LRP1B: variants seen among roughly 807,000 people sequenced by gnomAD.
LRP1B encodes the protein low-density lipoprotein receptor-related protein 1B.
A neutral mutation model predicts 556.6 loss-of-function variants in LRP1B; 217 were observed. That is an observed-to-expected ratio of 0.39 (90% CI 0.35 to 0.44). The LOEUF is 0.44. Ranked by LOEUF, LRP1B falls within the 20% of genes least tolerant of loss-of-function variation. The pLI is 1.00. For synonymous variants in LRP1B, 2,047 were observed against 1,865.8 expected, an observed-to-expected ratio of 1.10 and a Z score of -2.50; for missense variants, 5,053 against 5,620.8, an observed-to-expected ratio of 0.90 and a Z score of 3.23.
intron 16 of LRP1B, among the ~76,000 whole-genome samples, chr2:140,990,439 C>G (rs1403661558): frequency 6.6e-6 from 1 of 151,944 alleles, no homozygotes; most frequent in African/African-American, 2.4e-5. Flanking sequence ...TTTTATTACT[C>G]TCTGTCCAGT....
At chr2:140,335,194 G>GTATATA (rs140882374) in intron 78 of LRP1B, among the ~76,000 whole-genome samples, 11,103 of 151,022 alleles carry the variant, frequency 0.074, 438 homozygotes, top group Middle Eastern at 0.13. Context: ...GTGTGCATGT[G>GTATATA]TATATATATA....
chr2:140,786,494 C>T (rs764629628), intron 32 of LRP1B, among the ~76,000 whole-genome samples: 1 of 152,228 alleles, frequency 6.6e-6, no homozygotes, highest in Non-Finnish European at 1.5e-5. Context: ...AGTCTATTAG[C>T]TTCTCTTCTG....
intron 1 of LRP1B, among the ~76,000 whole-genome samples, chr2:142,107,165 T>A (rs1035473217): frequency 1.3e-5 from 2 of 152,188 alleles, no homozygotes; most frequent in Admixed American, 1.3e-4. Context: ...TACAACAGTT[T>A]CTGGGTTAAA....
At chr2:141,175,104 G>T (rs1426580222) in intron 7 of LRP1B, among the ~76,000 whole-genome samples, 1 of 152,032 alleles carries the variant, frequency 6.6e-6, no homozygotes, top group African/African-American at 2.4e-5. Flanking sequence ...GATGTGACCT[G>T]GCTGTTTCTA....
chr2:141,602,726 A>C (rs1235825080), intron 2 of LRP1B, among the ~76,000 whole-genome samples: 1 of 152,172 alleles, frequency 6.6e-6, no homozygotes, highest in Non-Finnish European at 1.5e-5. Flanking sequence ...CAAAGGAATA[A>C]TGGGCAGGGC....
At chr2:140,683,802 C>T (rs192305481) in intron 41 of LRP1B, 19 of 823,146 alleles carry the variant, frequency 2.3e-5, no homozygotes, top group African/African-American at 2.2e-4. Flanking sequence ...AGCCAGCCTC[C>T]GGGCTAGGGG....
In LRP1B at chr2:140,286,559, T is replaced by A. The variant is rs1683160255; in HGVS notation, c.12967+11249A>T. On this transcript the variant is annotated intron_variant, in intron 84 of 90. Coordinates refer to ENST00000389484, the MANE Select transcript of LRP1B (RefSeq NM_018557.3). ...AATATGGCATGCCACAGAATTAGAC[T>A]AAACTTTTCAGCTTCCAGTGGTCAT... is the stretch of plus-strand genomic sequence containing the variant. Among the ~76,000 whole-genome samples, 3 of 151,840 alleles carry A rather than the reference T, an allele frequency of 2.0e-5. No homozygotes were observed. In the South Asian group the frequency reaches 6.2e-4, roughly 31 times the overall value.
chr2:141,790,810 AG>A (rs891503354), intron 2 of LRP1B, among the ~76,000 whole-genome samples: 1 of 152,056 alleles, frequency 6.6e-6, no homozygotes, highest in African/African-American at 2.4e-5. Flanking sequence ...AAAGTTAAAA[AG>A]AACACAGAAA....
intron 2 of LRP1B, among the ~76,000 whole-genome samples, chr2:141,791,161 G>T (rs764343821): frequency 1.3e-5 from 2 of 151,720 alleles, no homozygotes; most frequent in Admixed American, 6.6e-5. Context: ...GACACCACAA[G>T]CAATAAAGTG....
chr2:140,289,012 G>A (rs570018470), intron 84 of LRP1B, among the ~76,000 whole-genome samples: 1 of 151,988 alleles, frequency 6.6e-6, no homozygotes, highest in East Asian at 1.9e-4. Context: ...TCAATATCAG[G>A]TGAAGCTGGC....
At chr2:142,018,196 G>A (rs551818470) in intron 1 of LRP1B, among the ~76,000 whole-genome samples, 9 of 152,132 alleles carry the variant, frequency 5.9e-5, no homozygotes, top group Non-Finnish European at 1.2e-4. Flanking sequence ...CTGATTAAAT[G>A]TGCCCATAAT....
chr2:141,932,193 C>T (rs1488932084), intron 1 of LRP1B, among the ~76,000 whole-genome samples: 1 of 151,970 alleles, frequency 6.6e-6, no homozygotes, highest in Non-Finnish European at 1.5e-5. Context: ...GCAGATATAT[C>T]AGTAGTACTT....
chr2:141,138,547 T>C (rs1431108533), intron 7 of LRP1B, among the ~76,000 whole-genome samples: 2 of 142,724 alleles, frequency 1.4e-5, no homozygotes, highest in African/African-American at 5.2e-5. Context: ...TTAGTAAATT[T>C]AGCAAGATTT....
chr2:141,837,898 A>G (rs1446166029), intron 1 of LRP1B, among the ~76,000 whole-genome samples: 1 of 152,128 alleles, frequency 6.6e-6, no homozygotes, highest in East Asian at 1.9e-4. Context: ...CCAGAGAAAT[A>G]TCTACAGTGT....
rs1689132302 is a variant in LRP1B, at chr2:141,368,795, T to A, written c.343+111601A>T. ...GCTATTATGTAAGAATAGGTGAATC[T>A]TAACTGACAATAAGTTCGATTGAGA... On this transcript the variant is annotated intron_variant, in intron 3 of 90. Coordinates refer to ENST00000389484, the MANE Select transcript of LRP1B (RefSeq NM_018557.3). Among the ~76,000 whole-genome samples the A allele has an allele frequency of 2.6e-5, 4 of 152,312 alleles. No individual in the cohort carries two copies. In the South Asian group the frequency reaches 8.3e-4, roughly 32 times the overall value.
intron 3 of LRP1B, among the ~76,000 whole-genome samples, chr2:141,279,136 T>G (rs1250917655): frequency 3.3e-5 from 5 of 152,188 alleles, no homozygotes; most frequent in South Asian, 4.1e-4. Context: ...AACAGTTTTT[T>G]GGGGGATAGT....
At chr2:140,720,688 T>C (rs1266353456) in intron 35 of LRP1B, among the ~76,000 whole-genome samples, 1 of 152,126 alleles carries the variant, frequency 6.6e-6, no homozygotes, top group African/African-American at 2.4e-5. Context: ...TCTGTATTCT[T>C]ATGATTAATT....
intron 3 of LRP1B, among the ~76,000 whole-genome samples, chr2:141,337,284 A>G (rs1340585684): frequency 5.9e-5 from 9 of 152,186 alleles, no homozygotes; most frequent in Admixed American, 5.9e-4. Context: ...TTATATTTCC[A>G]TAATAGTTGA....
At chr2:140,618,934 T>G (rs1388443843) in intron 41 of LRP1B, among the ~76,000 whole-genome samples, 3 of 152,228 alleles carry the variant, frequency 2.0e-5, no homozygotes, top group South Asian at 4.1e-4. Context: ...GGACCTCTAA[T>G]TCCTGCACTT....
Sources: gnomAD v4.1 joint callset for allele counts (sites outside exome capture counted in the v4.1 genomes callset) on GRCh38, gnomAD v4.1.1 for gene constraint, MANE v1.5 for transcripts, NCBI Gene and HGNC (gene_info 2026-07-23, HGNC 2026-07-21) for gene names.